The following RNGTT variants were observed in gnomAD, a reference collection of about 807,000 sequenced individuals.
RNGTT encodes the protein mRNA-capping enzyme.
A neutral mutation model predicts 79.3 loss-of-function variants in RNGTT; 33 were observed. The observed-to-expected ratio is 0.42, with a 90% CI of 0.32 to 0.56. The LOEUF (loss-of-function observed/expected upper bound fraction) is 0.56. Among genes scored for constraint, RNGTT ranks in the 20% least tolerant of loss-of-function variants. The pLI, the probability that RNGTT is intolerant of heterozygous loss-of-function variation, is 0.17. For missense variants in RNGTT, 497 were observed against 739.1 expected, an observed-to-expected ratio of 0.67 and a Z score of 3.80; for synonymous variants, 222 against 235.9, an observed-to-expected ratio of 0.94 and a Z score of 0.54.
chr6:88,925,742 T>C (rs1784299470), intron 4 of RNGTT, among the ~76,000 whole-genome samples: 1 of 152,148 alleles, frequency 6.6e-6, no homozygotes, highest in Non-Finnish European at 1.5e-5. Flanking sequence ...AAAAGTGCAG[T>C]GGTGCACGTA....
chr6:88,818,903 C>T (rs1780413265), intron 11 of RNGTT, among the ~76,000 whole-genome samples: 1 of 152,142 alleles, frequency 6.6e-6, no homozygotes, highest in South Asian at 2.1e-4. Context: ...TGTGACCATA[C>T]ATTTATGTCA....
At chr6:88,961,659 T>C (rs1785629759) in intron 1 of RNGTT, among the ~76,000 whole-genome samples, 1 of 152,238 alleles carries the variant, frequency 6.6e-6, no homozygotes, top group South Asian at 2.1e-4. Flanking sequence ...TTTGCTAGTT[T>C]TTAAGTCCTT....
intron 13 of RNGTT, among the ~76,000 whole-genome samples, chr6:88,747,462 T>A (rs1195371044): frequency 2.0e-5 from 3 of 152,114 alleles, no homozygotes; most frequent in Non-Finnish European, 4.4e-5. Flanking sequence ...ATTATAAGAG[T>A]TAGGCCTTAT....
At chr6:88,670,420 C>G (rs544767377) in intron 14 of RNGTT, among the ~76,000 whole-genome samples, 5 of 152,050 alleles carry the variant, frequency 3.3e-5, no homozygotes, top group African/African-American at 1.2e-4. Context: ...GAATCACTAT[C>G]GGTCTGTCTC....
intron 3 of RNGTT, 39 bp downstream of exon 3, chr6:88,929,125 A>G (rs1261316547): frequency 2.5e-6 from 4 of 1,580,768 alleles, no homozygotes; most frequent in Non-Finnish European, 3.5e-6. Context: ...AATTGTGATG[A>G]AAGGTTTCAA....
chr6:88,957,070 T>C (rs1785457855), intron 1 of RNGTT, among the ~76,000 whole-genome samples: 1 of 151,978 alleles, frequency 6.6e-6, no homozygotes, highest in African/African-American at 2.4e-5. Context: ...ATGTGATACG[T>C]CACATAAACA....
intron 13 of RNGTT, among the ~76,000 whole-genome samples, chr6:88,719,291 G>A (rs958315997): frequency 2.0e-5 from 3 of 152,138 alleles, no homozygotes; most frequent in African/African-American, 4.8e-5. Context: ...TGACTGCCTC[G>A]AAAATCACAG....
chr6:88,907,365 T>C (rs1038590999), intron 4 of RNGTT, among the ~76,000 whole-genome samples: 1 of 147,568 alleles, frequency 6.8e-6, no homozygotes, highest in African/African-American at 2.6e-5. Flanking sequence ...TTGTAAGTGT[T>C]TGACAGTTCC....
chr6:88,739,725 T>TTATTTATATATA (rs1777405492), intron 13 of RNGTT, among the ~76,000 whole-genome samples: 19 of 94,166 alleles, frequency 2.0e-4, no homozygotes, highest in African/African-American at 8.8e-4. Flanking sequence ...GTGAAAAAAA[T>TTATTTATATATA]TATATATATA....
At chr6:88,714,806 T>A (rs1776450178) in intron 13 of RNGTT, among the ~76,000 whole-genome samples, 1 of 152,078 alleles carries the variant, frequency 6.6e-6, no homozygotes, top group African/African-American at 2.4e-5. Context: ...ATTTGTGAAA[T>A]GACGTATCTC....
chr6:88,867,916 G>C (rs1782226282), intron 8 of RNGTT, among the ~76,000 whole-genome samples: 1 of 152,130 alleles, frequency 6.6e-6, no homozygotes, highest in Non-Finnish European at 1.5e-5. Flanking sequence ...ATAAAGTGTT[G>C]GGAAGGATGA....
intron 12 of RNGTT, among the ~76,000 whole-genome samples, chr6:88,770,795 T>C (rs1778628914): frequency 6.6e-6 from 1 of 152,228 alleles, no homozygotes; most frequent in Non-Finnish European, 1.5e-5. Flanking sequence ...GTCAGTCTTC[T>C]TAATTTAGCC....
chr6:88,697,765 G>A (rs1380678997), intron 13 of RNGTT, among the ~76,000 whole-genome samples: 1 of 150,672 alleles, frequency 6.6e-6, no homozygotes, highest in Non-Finnish European at 1.5e-5. Flanking sequence ...CAGCTACTCA[G>A]GAGGCTGAGG....
At chr6:88,863,145 A>G (rs959675593) in intron 8 of RNGTT, among the ~76,000 whole-genome samples, 1 of 152,218 alleles carries the variant, frequency 6.6e-6, no homozygotes, top group Admixed American at 6.5e-5. Flanking sequence ...TTTAAATTGC[A>G]AAGCCTATTC....
At chr6:88,886,615 G>A (rs936855290) in intron 8 of RNGTT, among the ~76,000 whole-genome samples, 1 of 152,064 alleles carries the variant, frequency 6.6e-6, no homozygotes, top group Non-Finnish European at 1.5e-5. Context: ...AATTATTAGA[G>A]ATCAAAAACT....
intron 12 of RNGTT, among the ~76,000 whole-genome samples, chr6:88,779,290 A>G (rs562869056): frequency 1.3e-5 from 2 of 152,342 alleles, no homozygotes; most frequent in Non-Finnish European, 2.9e-5. Context: ...CAGGCAAATC[A>G]TCCTTTAGTT....
Position 88,650,907 on chromosome 6 carries a change from A to G in RNGTT, c.1506+27446T>C, listed in dbSNP as rs181714301. 1.9e-3 allele frequency among the ~76,000 whole-genome samples: 289 copies of G among 152,306 alleles called. 4 individuals are homozygous for G. Among genetic ancestry groups the G allele is most frequent in the African/African-American group, 6.8e-3 (283 of 41,574 alleles). ...CTTCCAAACAGGATGCTCTGGGAAC[A>G]GAAAATACTTCATAGTGATATCAGA... On this transcript the variant is annotated intron_variant, in intron 14 of 15. Coordinates refer to ENST00000369485, the MANE Select transcript of RNGTT (RefSeq NM_003800.5).
intron 14 of RNGTT, among the ~76,000 whole-genome samples, chr6:88,662,778 G>C (rs1349620023): frequency 6.6e-6 from 1 of 152,152 alleles, no homozygotes; most frequent in Admixed American, 6.5e-5. Flanking sequence ...AGCAGTGTGC[G>C]GCAGACCCCC....
chr6:88,673,301 G>A (rs995328770), intron 14 of RNGTT, among the ~76,000 whole-genome samples: 21 of 152,288 alleles, frequency 1.4e-4, no homozygotes, highest in Non-Finnish European at 3.1e-4. Flanking sequence ...TCATATTTAT[G>A]ACACAACATA....
Sources: allele counts gnomAD v4.1 joint callset (sites outside exome capture counted in the v4.1 genomes callset), GRCh38; gene constraint gnomAD v4.1.1; transcripts MANE v1.5; gene names NCBI Gene and HGNC (gene_info 2026-07-23, HGNC 2026-07-21).